Variants in RBKS observed in about 807,000 individuals in gnomAD.
The protein encoded by RBKS is ribokinase.
A neutral mutation model predicts 33.9 loss-of-function variants in RBKS; 33 were observed. The observed-to-expected ratio is 0.97, with a 90% CI of 0.74 to 1.30. RBKS has a LOEUF of 1.30. RBKS is among the 50% of genes most tolerant of loss of function. The pLI is 0.00. For missense variants in RBKS, 361 were observed against 392.6 expected, an observed-to-expected ratio of 0.92 and a Z score of 0.68; for synonymous variants, 125 against 143.0, an observed-to-expected ratio of 0.87 and a Z score of 0.90.
intron 5 of RBKS, among the ~76,000 whole-genome samples, chr2:27,840,660 AC>A (rs1426841055): frequency 6.6e-6 from 1 of 152,124 alleles, no homozygotes; most frequent in East Asian, 1.9e-4. Context: ...AAATTTATGG[AC>A]TTGACTTTTC....
intron 6 of RBKS, among the ~76,000 whole-genome samples, chr2:27,831,992 C>T (rs1319465061): frequency 6.6e-6 from 1 of 152,286 alleles, no homozygotes; most frequent in East Asian, 1.9e-4. Flanking sequence ...AACGTGTATA[C>T]CTGCATCCCA....
intron 4 of RBKS, among the ~76,000 whole-genome samples, chr2:27,844,120 C>T (rs999540723): frequency 6.6e-5 from 10 of 151,884 alleles, no homozygotes; most frequent in African/African-American, 1.9e-4. Context: ...ATTAGCTGGG[C>T]GTGGTGGTAT....
intron 7 of RBKS, among the ~76,000 whole-genome samples, chr2:27,800,091 C>T (rs1677746140): frequency 7.5e-6 from 1 of 133,094 alleles, no homozygotes; most frequent in Admixed American, 8.6e-5. Context: ...CTTGCTCTGT[C>T]ACCCAGGTTG....
chr2:27,801,218 G>C (rs1677773069), intron 7 of RBKS, among the ~76,000 whole-genome samples: 1 of 152,266 alleles, frequency 6.6e-6, no homozygotes, highest in East Asian at 1.9e-4. Flanking sequence ...GGCAGTGCTG[G>C]AACCTGAGGT....
chr2:27,880,386 C>T (rs1036944695), intron 1 of RBKS, among the ~76,000 whole-genome samples: 6 of 152,172 alleles, frequency 3.9e-5, no homozygotes, highest in African/African-American at 1.4e-4. Flanking sequence ...CTCCTCTCAC[C>T]ACTCCTATTC....
At chr2:27,867,912 A>G (rs529998170) in intron 1 of RBKS, among the ~76,000 whole-genome samples, 2 of 152,346 alleles carry the variant, frequency 1.3e-5, no homozygotes, top group East Asian at 3.9e-4. Flanking sequence ...TTGGTGGAAC[A>G]AAGTCATTTG....
At chr2:27,783,023 C>G (rs1677319232) in intron 7 of RBKS, among the ~76,000 whole-genome samples, 1 of 152,156 alleles carries the variant, frequency 6.6e-6, no homozygotes, top group African/African-American at 2.4e-5. Context: ...GGCTATAATT[C>G]AATGCTATAT....
intron 7 of RBKS, among the ~76,000 whole-genome samples, chr2:27,816,529 T>G (rs1411077227): frequency 2.0e-5 from 3 of 152,230 alleles, no homozygotes; most frequent in South Asian, 2.1e-4. Context: ...TTCAGAGATG[T>G]TGTGCACTCT....
intron 1 of RBKS, among the ~76,000 whole-genome samples, chr2:27,868,659 A>G (rs536537809): frequency 6.6e-6 from 1 of 152,314 alleles, no homozygotes; most frequent in African/African-American, 2.4e-5. Flanking sequence ...TGAGTGTGTC[A>G]CTAGGTGATG....
At chr2:27,855,369 G>A (rs1663836599) in intron 2 of RBKS, among the ~76,000 whole-genome samples, 1 of 152,212 alleles carries the variant, frequency 6.6e-6, no homozygotes, top group Non-Finnish European at 1.5e-5. Context: ...TGGGTCATTT[G>A]GGTTCATACC....
intron 2 of RBKS, among the ~76,000 whole-genome samples, chr2:27,853,210 T>TA (rs977788507): frequency 2.6e-5 from 4 of 151,250 alleles, no homozygotes; most frequent in Non-Finnish European, 5.9e-5. Flanking sequence ...TACAAAAAAT[T>TA]AAAAAATTAG....
At chr2:27,847,735 G>T (rs1663647720) in intron 3 of RBKS, among the ~76,000 whole-genome samples, 1 of 152,208 alleles carries the variant, frequency 6.6e-6, no homozygotes, top group African/African-American at 2.4e-5. Context: ...AATGATTGTT[G>T]CCAGCTATAA....
At chr2:27,856,239 C>A (rs748034086) in intron 2 of RBKS, among the ~76,000 whole-genome samples, 1 of 152,146 alleles carries the variant, frequency 6.6e-6, no homozygotes, top group Non-Finnish European at 1.5e-5. Context: ...GTTTTTTGAT[C>A]CTCTGCTAGG....
intron 7 of RBKS, among the ~76,000 whole-genome samples, chr2:27,801,464 T>TACACACAC (rs56063622): frequency 0.056 from 7,642 of 136,078 alleles, 269 homozygotes; most frequent in African/African-American, 0.063. Flanking sequence ...GGCCACAGTA[T>TACACACAC]ACACACACAC....
At chr2:27,861,675 G>GGA in intron 1 of RBKS, 6 of 426,610 alleles carry the variant, frequency 1.4e-5, no homozygotes, top group South Asian at 5.3e-5. Context: ...GGGGGGGGGT[G>GGA]GAGTCTCACT....
At chr2:27,856,402 A>C (rs1256966243) in intron 2 of RBKS, among the ~76,000 whole-genome samples, 1 of 152,190 alleles carries the variant, frequency 6.6e-6, no homozygotes, top group Non-Finnish European at 1.5e-5. Context: ...TCCTAACTGG[A>C]ACATTTCCCA....
intron 1 of RBKS, among the ~76,000 whole-genome samples, chr2:27,887,543 C>T (rs1422249128): frequency 2.6e-5 from 4 of 152,098 alleles, no homozygotes; most frequent in East Asian, 3.8e-4. Context: ...AAATCCTATA[C>T]GCAGATTTTT....
In RBKS at chr2:27,827,571, G is replaced by A; in HGVS notation, c.791C>T (p.Thr264Ile). Residue 264 changes from threonine to isoleucine, a missense_variant, in exon 7 of 8, where the codon ACC becomes ATC. Coordinates refer to ENST00000302188, the MANE Select transcript of RBKS (RefSeq NM_022128.3). ...TTCTTAAATTTTAAAACTTACCGTG[G>A]TATCCACAGCCTTGACTTTCTCTGT... ...IPTEKVKAVD[T>I]TGAGDSFVGA... 6.4e-7 allele frequency: 1 copy of A among 1,561,262 alleles called. No individual in the cohort carries two copies. Among genetic ancestry groups the A allele is most frequent in the Non-Finnish European group, 8.6e-7 (1 of 1,156,844 alleles).
At chr2:27,881,132 C>T (rs1460016945) in intron 1 of RBKS, among the ~76,000 whole-genome samples, 1 of 152,002 alleles carries the variant, frequency 6.6e-6, no homozygotes, top group East Asian at 1.9e-4. Flanking sequence ...GCCTGCGGTT[C>T]CAGCTATTTG....
Sources: allele counts gnomAD v4.1 joint callset (sites outside exome capture counted in the v4.1 genomes callset), GRCh38; gene constraint gnomAD v4.1.1; transcripts MANE v1.5; gene names NCBI Gene and HGNC (gene_info 2026-07-23, HGNC 2026-07-21).